The following SENP5 variants were observed in gnomAD, a reference collection of about 807,000 sequenced individuals.
SENP5 encodes the protein SUMO specific peptidase 5, also known as sentrin-specific protease 5.
SENP5 carries 21 observed loss-of-function variants against 74.2 expected under a neutral mutation model. The observed-to-expected ratio is 0.28, with a 90% CI of 0.20 to 0.41. The LOEUF (loss-of-function observed/expected upper bound fraction) is 0.41. Ranked by LOEUF, SENP5 falls within the 10% of genes least tolerant of loss-of-function variation. The pLI, the probability that SENP5 is intolerant of heterozygous loss-of-function variation, is 1.00. For synonymous variants in SENP5, 311 were observed against 312.7 expected (o/e 0.99, Z 0.06); for missense variants, 717 against 889.1 (o/e 0.81, Z 2.46).
chr3:196,881,708 C>T (rs1480087197), intron 1 of SENP5, among the ~76,000 whole-genome samples: 2 of 151,398 alleles, frequency 1.3e-5, no homozygotes, highest in Non-Finnish European at 2.9e-5. Context: ...TATCAGCTGT[C>T]TTTTCATTTT....
intron 6 of SENP5, 107 bp from the exon 7 acceptor site, chr3:196,923,307 T>C: frequency 8.1e-7 from 1 of 1,236,848 alleles, no homozygotes; most frequent in Non-Finnish European, 1.1e-6. Flanking sequence ...TGCTTCCTAC[T>C]TTTTTGCCCT....
chr3:196,896,986 A>C (rs190780912), intron 2 of SENP5, among the ~76,000 whole-genome samples: 7 of 152,282 alleles, frequency 4.6e-5, no homozygotes, highest in Non-Finnish European at 1.0e-4. Context: ...TGAAAATGAA[A>C]ATAAAGATAC....
chr3:196,873,280 T>A lies in SENP5; in HGVS notation c.-32+5207T>A, dbSNP rs549341658. ...TAGAGACGGGGTTTCTCCATGTTGGTCAGGCTGGTCTTGAACTCCTGACCT... is the reference window on the plus strand; with the variant it reads ...TAGAGACGGGGTTTCTCCATGTTGGACAGGCTGGTCTTGAACTCCTGACCT... On this transcript the variant is annotated intron_variant, in intron 1 of 9. Coordinates refer to ENST00000323460, the MANE Select transcript of SENP5 (RefSeq NM_152699.5). 9.2e-5 allele frequency among the ~76,000 whole-genome samples: 14 copies of A among 151,544 alleles called. No individual in the cohort carries two copies. In the East Asian group the frequency reaches 2.2e-3, roughly 24 times the overall value.
chr3:196,869,488 C>T (rs1395404331), intron 1 of SENP5, among the ~76,000 whole-genome samples: 4 of 149,764 alleles, frequency 2.7e-5, no homozygotes, highest in Middle Eastern at 3.4e-3. Flanking sequence ...CAGCCGGGCG[C>T]GGTGGTTGAC....
chr3:196,873,005 T>C (rs543402306), intron 1 of SENP5, among the ~76,000 whole-genome samples: 31 of 152,146 alleles, frequency 2.0e-4, no homozygotes, highest in African/African-American at 7.5e-4. Context: ...TGTAGAACAA[T>C]TCCTGACCTG....
At chr3:196,898,808 C>A (rs911093727) in intron 2 of SENP5, among the ~76,000 whole-genome samples, 14 of 152,022 alleles carry the variant, frequency 9.2e-5, no homozygotes, top group African/African-American at 3.1e-4. Context: ...TGATTCCATT[C>A]GAGACCATTC....
intron 1 of SENP5, among the ~76,000 whole-genome samples, chr3:196,873,703 G>T (rs182206073): frequency 6.6e-6 from 1 of 151,932 alleles, no homozygotes; most frequent in East Asian, 2.0e-4. Flanking sequence ...AGCCGGGTGT[G>T]GTGGCGGGCG....
intron 6 of SENP5, among the ~76,000 whole-genome samples, chr3:196,910,183 C>T (rs1180938427): frequency 6.6e-6 from 1 of 151,868 alleles, no homozygotes; most frequent in African/African-American, 2.4e-5. Flanking sequence ...CCTAGGAATA[C>T]AGTTTATAAG....
At position 196,885,987 on chromosome 3, in the gene SENP5, A is replaced by G. The variant is rs1169226291; in HGVS notation, c.806A>G (p.Gln269Arg). 2 of 1,614,242 alleles carry G rather than the reference A, an allele frequency of 1.2e-6. No individual in the cohort carries two copies. The highest frequency in any genetic ancestry group is 1.7e-5 in the Admixed American group (1 of 60,024). Residue 269 changes from glutamine (Q) to arginine (R), a missense_variant, in exon 2 of 10, where the codon CAG becomes CGG. Coordinates refer to ENST00000323460, the MANE Select transcript of SENP5 (RefSeq NM_152699.5). ...AGAAAAGCCCAGCGAAGCTGGGTAC[A>G]GAAAGTCACTGGGGACCATCAAGAG... ...KLRKAQRSWV[Q>R]KVTGDHQETR... is the part of the protein sequence containing the mutation.
chr3:196,877,191 A>T (rs948260607), intron 1 of SENP5, among the ~76,000 whole-genome samples: 1 of 151,910 alleles, frequency 6.6e-6, no homozygotes, highest in Non-Finnish European at 1.5e-5. Context: ...TTAATTTTAA[A>T]TATTTATTTA....
At chr3:196,909,126 A>G (rs1462695712) in intron 6 of SENP5, among the ~76,000 whole-genome samples, 1 of 152,202 alleles carries the variant, frequency 6.6e-6, no homozygotes, top group Non-Finnish European at 1.5e-5. Context: ...AGAGAATACT[A>G]TAAAGACCTC....
intron 1 of SENP5, among the ~76,000 whole-genome samples, chr3:196,882,851 CTT>C (rs1713786068): frequency 6.6e-6 from 1 of 152,068 alleles, no homozygotes; most frequent in East Asian, 1.9e-4. Context: ...CTTGGGAACT[CTT>C]AACACATGGT....
chr3:196,903,742 A>G (rs984885348), intron 6 of SENP5, 132 bp downstream of exon 6: 1 of 563,792 alleles, frequency 1.8e-6, no homozygotes, highest in Admixed American at 3.5e-5. Context: ...CAAGTTTTAA[A>G]TTTGTTTCTT....
At chr3:196,929,189 TCA>T (rs925671018) in intron 8 of SENP5, 1 of 155,176 alleles carries the variant, frequency 6.4e-6, no homozygotes, top group Non-Finnish European at 1.4e-5. Flanking sequence ...CTGTTTACCT[TCA>T]CGATTTCTTT....
intron 6 of SENP5, among the ~76,000 whole-genome samples, chr3:196,911,437 A>C (rs1043115866): frequency 1.3e-5 from 2 of 152,262 alleles, no homozygotes; most frequent in East Asian, 3.9e-4. Context: ...TTATGTCTGT[A>C]GTCTCAGCTA....
Position 196,899,754 on chromosome 3 carries a change from T to C in SENP5, c.1602T>C (p.Asn534=). 1 of 1,602,804 alleles carries C rather than the reference T, an allele frequency of 6.2e-7. No homozygotes were observed. The highest frequency in any genetic ancestry group is 8.5e-7 in the Non-Finnish European group (1 of 1,169,912). ...TTGGAAGATTAAAAGATGTCTTTAA[T>C]GAAGACTTTTCTAATAGGTATATAA... The part of the protein sequence containing the change: ...EVLGRLKDVF[N]EDFSNRKPFI... The change falls in exon 3 of 10, where the codon AAT becomes AAC. Residue 534 remains asparagine (N), a synonymous_variant. Coordinates refer to ENST00000323460, the MANE Select transcript of SENP5 (RefSeq NM_152699.5).
intron 6 of SENP5, chr3:196,914,586 A>AAAAAAAAAAAAAAAAAAATATATATAT: frequency 3.0e-5 from 1 of 33,510 alleles, no homozygotes; most frequent in Non-Finnish European, 5.1e-5. Context: ...AAAAAAAAAA[A>AAAAAAAAAAAAAAAAAAATATATATAT]ATATATATAT....
chr3:196,869,279 C>T (rs1488017654), intron 1 of SENP5, among the ~76,000 whole-genome samples: 1 of 151,976 alleles, frequency 6.6e-6, no homozygotes, highest in African/African-American at 2.4e-5. Context: ...TTTCAGCTCA[C>T]TGCAACCTCC....
In SENP5 at chr3:196,886,294, G is replaced by T; in HGVS notation, c.1113G>T (p.Leu371=). The T allele has an allele frequency of 2.5e-6, 4 of 1,614,098 alleles. No individual in the cohort carries two copies. Among genetic ancestry groups the T allele is most frequent in the Non-Finnish European group, 3.4e-6 (4 of 1,180,008 alleles). The change falls in exon 2 of 10, where the codon CTG becomes CTT. Residue 371 remains leucine, a synonymous_variant. Coordinates refer to ENST00000323460, the MANE Select transcript of SENP5 (RefSeq NM_152699.5). ...CSSPKWECTE[L]IHDIPLPEHR... ...CTCCTAAGTGGGAGTGTACAGAGCT[G>T]ATTCATGACATCCCCTTACCAGAAC...
Sources: gnomAD v4.1 joint callset for allele counts (sites outside exome capture counted in the v4.1 genomes callset) on GRCh38, gnomAD v4.1.1 for gene constraint, MANE v1.5 for transcripts, NCBI Gene and HGNC (gene_info 2026-07-23, HGNC 2026-07-21) for gene names.